The following DEPDC1B variants were observed in gnomAD, a reference collection of about 807,000 sequenced individuals.
The protein encoded by DEPDC1B is DEP domain-containing protein 1B.
DEPDC1B carries 51 observed loss-of-function variants against 66.5 expected under a neutral mutation model. That is an observed-to-expected ratio of 0.77 (90% confidence interval 0.61 to 0.97). The LOEUF is 0.97. Among genes scored for constraint, DEPDC1B ranks in the 50% least tolerant of loss-of-function variants. The pLI, the probability that DEPDC1B is intolerant of heterozygous loss-of-function variation, is 0.00. For missense variants in DEPDC1B, 552 were observed against 637.1 expected (o/e 0.87, Z 1.44); for synonymous variants, 226 against 223.6 (o/e 1.01, Z -0.10).
intron 2 of DEPDC1B, among the ~76,000 whole-genome samples, chr5:60,672,610 G>C (rs1754067416): frequency 2.0e-5 from 3 of 152,186 alleles, no homozygotes; most frequent in Admixed American, 2.0e-4. Context: ...TTCATCATGA[G>C]ATTTGGGTGG....
Position 60,623,124 on chromosome 5 carries a change from A to G in DEPDC1B, c.898+15626T>C, listed in dbSNP as rs1161924263. On this transcript the variant is annotated intron_variant, in intron 7 of 10. Transcript: ENST00000265036. ...TGGAAGGTTTTTAGATATCTCTATT[A>G]TATTTGAATCTGTGATCCAGTCCAA... is the stretch of plus-strand genomic sequence containing the variant. Among the ~76,000 whole-genome samples, 4 of 152,182 alleles carry G rather than the reference A, an allele frequency of 2.6e-5. No individual in the cohort carries two copies. In the South Asian group the frequency reaches 6.2e-4, roughly 24 times the overall value.
At chr5:60,669,119 T>A (rs1753971680) in intron 2 of DEPDC1B, among the ~76,000 whole-genome samples, 1 of 152,124 alleles carries the variant, frequency 6.6e-6, no homozygotes, top group African/African-American at 2.4e-5. Context: ...GAAAAGCAAT[T>A]TAAAAATAAT....
chr5:60,684,231 G>C (rs955442550), intron 2 of DEPDC1B, among the ~76,000 whole-genome samples: 1 of 151,898 alleles, frequency 6.6e-6, no homozygotes, highest in Admixed American at 6.6e-5. Context: ...TGACATTCTA[G>C]AGAACAGAAA....
chr5:60,649,775 A>G (rs1381506968), intron 2 of DEPDC1B, among the ~76,000 whole-genome samples: 2 of 152,072 alleles, frequency 1.3e-5, no homozygotes, highest in Non-Finnish European at 2.9e-5. Flanking sequence ...CCCTAAAAAG[A>G]AAGAAAACTA....
intron 7 of DEPDC1B, among the ~76,000 whole-genome samples, chr5:60,617,942 T>G (rs9654364): frequency 6.6e-6 from 1 of 152,114 alleles, no homozygotes; most frequent in Non-Finnish European, 1.5e-5. Context: ...GACTGTCTCT[T>G]AGACCACAGT....
In DEPDC1B at chr5:60,638,664, T is replaced by G. The variant is rs866511822; in HGVS notation, c.898+86A>C. 20 of 1,362,308 alleles carry G rather than the reference T, an allele frequency of 1.5e-5. No homozygotes were observed. In the Middle Eastern group the frequency reaches 8.0e-4, roughly 54 times the overall value. 84.4% of individuals were successfully genotyped at this position (1,362,308 alleles called of 1,614,324 possible). On this transcript the variant is annotated intron_variant, in intron 7 of 10. Transcript: ENST00000265036. ...TTTTATTTTTAAAATGGCATGAGTTTTGGCTAATGGAAGTCTCAAAATAGT... is the reference window on the plus strand; with the variant it reads ...TTTTATTTTTAAAATGGCATGAGTTGTGGCTAATGGAAGTCTCAAAATAGT...
chr5:60,694,135 C>T (rs542945086), intron 1 of DEPDC1B, among the ~76,000 whole-genome samples: 1 of 152,118 alleles, frequency 6.6e-6, no homozygotes, highest in Non-Finnish European at 1.5e-5. Context: ...GTTTGCATGT[C>T]TTACTCCATA....
chr5:60,674,443 T>C (rs1354332564), intron 2 of DEPDC1B, among the ~76,000 whole-genome samples: 1 of 152,214 alleles, frequency 6.6e-6, no homozygotes, highest in African/African-American at 2.4e-5. Context: ...CAGAATCAGT[T>C]TGACTTATCA....
intron 7 of DEPDC1B, among the ~76,000 whole-genome samples, chr5:60,611,357 C>T (rs1442040625): frequency 6.6e-6 from 1 of 152,148 alleles, no homozygotes; most frequent in Non-Finnish European, 1.5e-5. Flanking sequence ...TTCCCTCAGA[C>T]ACAACAATAT....
chr5:60,619,013 T>G (rs1192655206), intron 7 of DEPDC1B, among the ~76,000 whole-genome samples: 2 of 152,176 alleles, frequency 1.3e-5, no homozygotes, highest in Non-Finnish European at 2.9e-5. Flanking sequence ...TAATCCAGCA[T>G]ATAAACAGAA....
intron 2 of DEPDC1B, among the ~76,000 whole-genome samples, chr5:60,663,534 CT>C (rs958031435): frequency 7.9e-5 from 12 of 152,156 alleles, no homozygotes; most frequent in African/African-American, 2.9e-4. Flanking sequence ...TTAAGGATAC[CT>C]TTTTCTGCAT....
At chr5:60,616,950 C>T (rs576648114) in intron 7 of DEPDC1B, among the ~76,000 whole-genome samples, 2 of 152,244 alleles carry the variant, frequency 1.3e-5, no homozygotes, top group African/African-American at 2.4e-5. Context: ...CGGCAGAAAC[C>T]CTACAAGCCG....
chr5:60,620,180 A>G (rs1752669049), intron 7 of DEPDC1B, among the ~76,000 whole-genome samples: 1 of 152,234 alleles, frequency 6.6e-6, no homozygotes, highest in Non-Finnish European at 1.5e-5. Context: ...CTAAAACCAT[A>G]AAAACCCTAG....
At chr5:60,602,800 C>A (rs1752226340) in intron 9 of DEPDC1B, among the ~76,000 whole-genome samples, 1 of 152,060 alleles carries the variant, frequency 6.6e-6, no homozygotes, top group African/African-American at 2.4e-5. Flanking sequence ...AAGTAAAATC[C>A]AAAGCGGTTA....
intron 1 of DEPDC1B, among the ~76,000 whole-genome samples, chr5:60,696,175 A>G (rs1199104620): frequency 1.3e-5 from 2 of 152,214 alleles, no homozygotes; most frequent in African/African-American, 2.4e-5. Context: ...ACTCTTCAGC[A>G]TGAGCTTTCA....
intron 10 of DEPDC1B, among the ~76,000 whole-genome samples, chr5:60,598,441 A>T (rs373131592): frequency 6.6e-6 from 1 of 152,172 alleles, no homozygotes; most frequent in African/African-American, 2.4e-5. Flanking sequence ...TCTGTGTGTA[A>T]TCCCACATGT....
rs1423689443 is a variant in DEPDC1B, at chr5:60,611,361, A to G, written c.899-5505T>C. Among the ~76,000 whole-genome samples, 4 of 152,164 alleles carry G rather than the reference A, an allele frequency of 2.6e-5. 1 individual carries two copies. In the South Asian group the frequency reaches 6.2e-4, roughly 24 times the overall value. On this transcript the variant is annotated intron_variant, in intron 7 of 10. Transcript: ENST00000265036. ...GGGCCTCTCTATTCCCTCAGACACA[A>G]CAATATTGAAATTGGGCCAATTAAT...
At chr5:60,687,374 C>T (rs1439555590) in intron 1 of DEPDC1B, 147 bp from the exon 2 acceptor site, 2 of 1,035,864 alleles carry the variant, frequency 1.9e-6, no homozygotes, top group Non-Finnish European at 2.7e-6. Flanking sequence ...TATTTACAGG[C>T]TTCAAACTCT....
intron 1 of DEPDC1B, among the ~76,000 whole-genome samples, chr5:60,696,883 C>T (rs1306987366): frequency 6.7e-6 from 1 of 149,986 alleles, no homozygotes; most frequent in Non-Finnish European, 1.5e-5. Flanking sequence ...ATTATGATAG[C>T]GGTGCTATAA....
Sources: allele counts gnomAD v4.1 joint callset (sites outside exome capture counted in the v4.1 genomes callset), GRCh38; gene constraint gnomAD v4.1.1; transcripts MANE v1.5; gene names NCBI Gene and HGNC (gene_info 2026-07-23, HGNC 2026-07-21).